Variants in PLCZ1 observed in about 807,000 individuals in gnomAD.
The protein encoded by PLCZ1 is 1-phosphatidylinositol 4,5-bisphosphate phosphodiesterase zeta-1.
PLCZ1 carries 64 observed loss-of-function variants against 76.8 expected under a neutral mutation model. The observed-to-expected ratio is 0.83, with a 90% CI of 0.68 to 1.03. The LOEUF (loss-of-function observed/expected upper bound fraction) is 1.03, where lower values mean the gene tolerates loss of function less well. Among genes scored for constraint, PLCZ1 ranks in the 50% least tolerant of loss-of-function variants. The pLI is 0.00. For missense variants in PLCZ1, 751 were observed against 713.7 expected, an observed-to-expected ratio of 1.05 and a Z score of -0.60; for synonymous variants, 248 against 230.8, an observed-to-expected ratio of 1.07 and a Z score of -0.68.
chr12:18,681,891 G>A (rs829542), downstream of PLCZ1, among the ~76,000 whole-genome samples: 569 of 152,066 alleles, frequency 3.7e-3, 3 homozygotes, highest in African/African-American at 0.012. Context: ...CTTGATTAAA[G>A]CCTTTAAATT....
At chr12:18,672,028 C>T in the PLCZ1 span, among the ~76,000 whole-genome samples, 1 of 152,098 alleles carries the variant, frequency 6.6e-6, no homozygotes, top group Non-Finnish European at 1.5e-5. Context: ...ACCAAAGGCC[C>T]CACCTACTAA....
At chr12:18,678,668 T>C (rs551075163), downstream of PLCZ1, among the ~76,000 whole-genome samples, 14 of 152,212 alleles carry the variant, frequency 9.2e-5, no homozygotes, top group South Asian at 2.5e-3. Flanking sequence ...TTGTTATTAA[T>C]GCATGTATGA....
intron 6 of PLCZ1, among the ~76,000 whole-genome samples, chr12:18,705,575 A>C (rs1256192977): frequency 1.3e-5 from 2 of 152,048 alleles, no homozygotes; most frequent in African/African-American, 4.8e-5. Flanking sequence ...TATTTAAATA[A>C]ATTATACTGG....
intron 12 of PLCZ1, chr12:18,693,554 C>T: frequency 6.2e-7 from 1 of 1,608,314 alleles, no homozygotes; most frequent in Non-Finnish European, 8.5e-7. Flanking sequence ...TCAGAAGTAC[C>T]TAGGTGATGG....
chr12:18,682,274 C>A (rs148123279), downstream of PLCZ1, among the ~76,000 whole-genome samples: 1 of 151,974 alleles, frequency 6.6e-6, no homozygotes, highest in Non-Finnish European at 1.5e-5. Context: ...GTTATATTTT[C>A]TGGTCATAAA....
the PLCZ1 span, among the ~76,000 whole-genome samples, chr12:18,667,703 T>C: frequency 6.6e-6 from 1 of 152,182 alleles, no homozygotes; most frequent in African/African-American, 2.4e-5. Context: ...GATTTCATTA[T>C]CATAAAAGTC....
the PLCZ1 span, among the ~76,000 whole-genome samples, chr12:18,673,398 A>T: frequency 1.3e-5 from 2 of 152,192 alleles, no homozygotes; most frequent in African/African-American, 4.8e-5. Context: ...TGAAAATATC[A>T]TAAACAGAGC....
Position 18,712,843 on chromosome 12 carries a change from A to G in PLCZ1, c.713T>C (p.Met238Thr), listed in dbSNP as rs777207511. 1.2e-6 allele frequency: 2 copies of G among 1,613,712 alleles called. No individual in the cohort carries two copies. The highest frequency in any genetic ancestry group is 2.2e-5 in the East Asian group (1 of 44,858). The change falls in exon 6 of 15, where the codon ATG (methionine) becomes ACG (threonine). Residue 238 changes from methionine (M) to threonine (T), a missense_variant and splice_region_variant. By Grantham distance (81) the Met-to-Thr change is moderately conservative (BLOSUM62 -1). Coordinates refer to ENST00000266505, the MANE Select transcript of PLCZ1 (RefSeq NM_033123.4). ...VIQAIHKYAF[M>T]TSDYPVVLSL... Reference sequence around the variant, plus strand: ...AGTTGAACAAAGATATGTACATACCATGAATGCATACTTGTGTATAGCTTG... The same window carrying G: ...AGTTGAACAAAGATATGTACATACCGTGAATGCATACTTGTGTATAGCTTG...
intron 9 of PLCZ1, among the ~76,000 whole-genome samples, chr12:18,701,141 T>C (rs1303920863): frequency 6.6e-6 from 1 of 151,966 alleles, no homozygotes; most frequent in African/African-American, 2.4e-5. Flanking sequence ...TGCGTCACCA[T>C]GCCCGGCTAA....
intron 11 of PLCZ1, among the ~76,000 whole-genome samples, chr12:18,695,593 C>A (rs2137175381): frequency 6.6e-6 from 1 of 152,086 alleles, no homozygotes; most frequent in Admixed American, 6.5e-5. Context: ...CTCCACCCAG[C>A]CCCAATATCC....
chr12:18,650,821 A>G, the PLCZ1 span, among the ~76,000 whole-genome samples: 3 of 146,162 alleles, frequency 2.1e-5, no homozygotes, highest in Non-Finnish European at 4.5e-5. Flanking sequence ...CCCAAATCCA[A>G]TCACCAACCA....
chr12:18,718,888 A>G (rs1439117937), intron 5 of PLCZ1, among the ~76,000 whole-genome samples: 1 of 152,164 alleles, frequency 6.6e-6, no homozygotes, highest in Non-Finnish European at 1.5e-5. Flanking sequence ...TAACAGTATG[A>G]TAGGTACATT....
At chr12:18,683,548 C>G in intron 14 of PLCZ1, 1 of 1,500,088 alleles carries the variant, frequency 6.7e-7, no homozygotes, top group Non-Finnish European at 8.9e-7. Flanking sequence ...TCATACTTCT[C>G]CTTCCGCAAA....
At chr12:18,664,044 A>G in the PLCZ1 span, among the ~76,000 whole-genome samples, 1 of 152,202 alleles carries the variant, frequency 6.6e-6, no homozygotes, top group Admixed American at 6.5e-5. Context: ...AACTACAATG[A>G]TATAACACTC....
intron 3 of PLCZ1, among the ~76,000 whole-genome samples, chr12:18,733,843 A>T (rs1387557489): frequency 6.6e-6 from 1 of 152,146 alleles, no homozygotes; most frequent in Non-Finnish European, 1.5e-5. Flanking sequence ...TTATGCCCCT[A>T]CCATACTGCC....
chr12:18,728,965 C>T (rs915944804), intron 3 of PLCZ1, among the ~76,000 whole-genome samples: 3 of 151,906 alleles, frequency 2.0e-5, no homozygotes, highest in Non-Finnish European at 2.9e-5. Context: ...TTCCAGGTAG[C>T]GGATTTGTAG....
the PLCZ1 span, among the ~76,000 whole-genome samples, chr12:18,650,720 A>C: frequency 0.013 from 139 of 10,474 alleles, 2 homozygotes; most frequent in East Asian, 0.12. Context: ...ATCTATATAT[A>C]TATATATATA....
the PLCZ1 span, among the ~76,000 whole-genome samples, chr12:18,666,492 A>G: frequency 2.0e-5 from 3 of 152,178 alleles, no homozygotes; most frequent in Non-Finnish European, 2.9e-5. Context: ...AGGACATTAT[A>G]TAATATAAAA....
intron 3 of PLCZ1, among the ~76,000 whole-genome samples, chr12:18,725,020 T>C (rs1958672466): frequency 6.6e-6 from 1 of 152,148 alleles, no homozygotes; most frequent in Admixed American, 6.6e-5. Context: ...GTTGCCATCT[T>C]GTACTAAAAA....
Sources: gnomAD v4.1 joint callset for allele counts (sites outside exome capture counted in the v4.1 genomes callset) on GRCh38, gnomAD v4.1.1 for gene constraint, MANE v1.5 for transcripts, NCBI Gene and HGNC (gene_info 2026-07-23, HGNC 2026-07-21) for gene names.